DTWD1: variants seen among roughly 807,000 people sequenced by gnomAD.
The protein encoded by DTWD1 is tRNA-uridine aminocarboxypropyltransferase 1.
In DTWD1, 27 loss-of-function variants were observed where a neutral mutation model predicts 30.2. That is an observed-to-expected ratio of 0.90 (90% CI 0.66 to 1.23). DTWD1 has a LOEUF of 1.23. Among genes scored for constraint, DTWD1 ranks in the 50% most tolerant of loss-of-function variants. The probability of loss-of-function intolerance (pLI) is 0.00; values close to 1 mark genes in which losing one functional copy is unlikely to be tolerated. For synonymous variants in DTWD1, 99 were observed against 113.1 expected, an observed-to-expected ratio of 0.88 and a Z score of 0.79; for missense variants, 342 against 348.8, an observed-to-expected ratio of 0.98 and a Z score of 0.15.
At chr15:49,641,664 C>CT (rs1359287052) in intron 4 of DTWD1, among the ~76,000 whole-genome samples, 1 of 151,982 alleles carries the variant, frequency 6.6e-6, no homozygotes, top group African/African-American at 2.4e-5. Context: ...ATGTTTATCA[C>CT]TTTTTTCGTG....
chr15:49,654,571 A>G lies in DTWD1; in HGVS notation c.*10993A>G, dbSNP rs1369912875. The G allele has an allele frequency of 6.6e-6, 1 of 152,044 alleles. No homozygotes were observed. The highest frequency in any genetic ancestry group is 1.5e-5 in the Non-Finnish European group (1 of 68,000). 9.4% of individuals were successfully genotyped at this position (152,044 alleles called of 1,614,324 possible). A position where few individuals can be genotyped will look rare whatever the true frequency, so the allele number is the denominator to read the frequency against. On this transcript the variant is annotated 3_prime_UTR_variant, in exon 5 of 5. Transcript: ENST00000403028. ...CCTAGAGACACCACATGGAAAGGCC[A>G]CCTAGGGAAGAACTGAGATGCCCCA...
chr15:49,631,583 T>G (rs1386641296), intron 2 of DTWD1, among the ~76,000 whole-genome samples: 2 of 152,012 alleles, frequency 1.3e-5, no homozygotes, highest in African/African-American at 4.8e-5. Flanking sequence ...GCCAACATGG[T>G]GAAAACCTGT....
At chr15:49,636,128 C>G (rs1167659638) in intron 4 of DTWD1, among the ~76,000 whole-genome samples, 1 of 152,052 alleles carries the variant, frequency 6.6e-6, no homozygotes, top group Non-Finnish European at 1.5e-5. Context: ...GTTTGGCTTT[C>G]TCACACAAAA....
At chr15:49,637,000 A>G (rs1167463392) in intron 4 of DTWD1, among the ~76,000 whole-genome samples, 1 of 152,212 alleles carries the variant, frequency 6.6e-6, no homozygotes, top group Admixed American at 6.5e-5. Context: ...CAGTGATTTT[A>G]GTATTCATTG....
chr15:49,642,046 C>T (rs72731125), intron 4 of DTWD1, among the ~76,000 whole-genome samples: 8,266 of 152,172 alleles, frequency 0.054, 322 homozygotes, highest in East Asian at 0.13. Flanking sequence ...TCTTTGTTCT[C>T]TCTTCCTCGA....
Position 49,632,315 on chromosome 15 carries a change from G to C in DTWD1, c.408+13G>C, listed in dbSNP as rs533175402. ...AAAGGACCATGAAGTAGGCAACTTA[G>C]TTTTTATAACTCTTCACATTGGATA... On this transcript the variant is annotated intron_variant, in intron 3 of 4. Transcript: ENST00000403028. 3.2e-6 allele frequency: 5 copies of C among 1,572,688 alleles called. No individual in the cohort carries two copies. Among genetic ancestry groups the C allele is most frequent in the Non-Finnish European group, 4.3e-6 (5 of 1,169,542 alleles).
At chr15:49,639,570 A>G (rs531631429) in intron 4 of DTWD1, among the ~76,000 whole-genome samples, 1 of 152,262 alleles carries the variant, frequency 6.6e-6, no homozygotes, top group East Asian at 1.9e-4. Flanking sequence ...TCAAGAAAAA[A>G]TGTTTACGAT....
chr15:49,624,139 G>C (rs1252384911), intron 1 of DTWD1, among the ~76,000 whole-genome samples: 2 of 151,916 alleles, frequency 1.3e-5, no homozygotes, highest in Non-Finnish European at 2.9e-5. Flanking sequence ...TGTATTTTAT[G>C]TTTCTCTGGA....
chr15:49,625,329 G>A lies in DTWD1; in HGVS notation c.162G>A (p.Gly54=), dbSNP rs2153351127. 6.2e-7 allele frequency: 1 copy of A among 1,613,662 alleles called. No homozygotes were observed. Among genetic ancestry groups the A allele is most frequent in the Admixed American group, 1.7e-5 (1 of 59,928 alleles). The change falls in exon 2 of 5, where the codon GGG becomes GGA. Residue 54 remains glycine, a synonymous_variant. Transcript: ENST00000403028. ...QEVLQKAQQS[G]RSKCLKCGGS... is the part of the protein sequence containing the mutation. The stretch of plus-strand genomic sequence containing the variant: ...TTCTTCAAAAAGCTCAGCAAAGTGG[G>A]AGATCAAAATGTCTCAAATGTGGTG...
chr15:49,633,290 A>G (rs1347128056), intron 3 of DTWD1, among the ~76,000 whole-genome samples: 1 of 152,034 alleles, frequency 6.6e-6, no homozygotes, highest in Non-Finnish European at 1.5e-5. Flanking sequence ...AAATATAGAC[A>G]TGTATTATGA....
At position 49,653,702 on chromosome 15, in the gene DTWD1, G is replaced by A. The variant is rs1357842831; in HGVS notation, c.*10124G>A. 6.6e-6 allele frequency: 1 copy of A among 152,098 alleles called. No individual in the cohort carries two copies. 9.4% of individuals were successfully genotyped at this position (152,098 alleles called of 1,614,324 possible). ...AACAGAAAATGAAACTTAATAGCTT[G>A]TAGATGTCTTAAGGAGATTTCCAGG... is the stretch of plus-strand genomic sequence containing the variant. On this transcript the variant is annotated 3_prime_UTR_variant, in exon 5 of 5. Transcript: ENST00000403028.
chr15:49,625,494 T>C, intron 2 of DTWD1, 63 bp downstream of exon 2: 1 of 1,349,410 alleles, frequency 7.4e-7, no homozygotes, highest in Non-Finnish European at 1.0e-6. Context: ...ATCTCATGTA[T>C]ACCTACTCTA....
rs994054982 is a variant in DTWD1, at chr15:49,655,500, T to C, written c.*11922T>C. On this transcript the variant is annotated 3_prime_UTR_variant, in exon 5 of 5. Coordinates refer to ENST00000403028, the MANE Select transcript of DTWD1 (RefSeq NM_001144955.2). ...TCATCAATGCAATTTTCTTTAAAACTCTGTGAGCCTTTATATCAGATTAGT... is the reference window on the plus strand; with the variant it reads ...TCATCAATGCAATTTTCTTTAAAACCCTGTGAGCCTTTATATCAGATTAGT... 4.6e-5 allele frequency: 7 copies of C among 151,934 alleles called. 1 individual carries two copies. Among genetic ancestry groups the C allele is most frequent in the Admixed American group, 4.6e-4 (7 of 15,222 alleles). 9.4% of individuals were successfully genotyped at this position (151,934 alleles called of 1,614,324 possible).
Position 49,651,082 on chromosome 15 carries a change from A to G in DTWD1, c.*7504A>G, listed in dbSNP as rs1453578112. Reference sequence around the variant, plus strand: ...GGTATTTGAGACTCATGAAGGAAATAGTAAATTTAAGAATAACAGAATTGA... The same window carrying G: ...GGTATTTGAGACTCATGAAGGAAATGGTAAATTTAAGAATAACAGAATTGA... On this transcript the variant is annotated 3_prime_UTR_variant, in exon 5 of 5. Transcript: ENST00000403028. 2 of 152,202 alleles carry G rather than the reference A, an allele frequency of 1.3e-5. No individual in the cohort carries two copies. The highest frequency in any genetic ancestry group is 2.9e-5 in the Non-Finnish European group (2 of 68,028). The allele number at this position is 152,202 out of a possible 1,614,324, so 9.4% of individuals were successfully genotyped here.
intron 3 of DTWD1, 129 bp from the exon 4 acceptor site, chr15:49,634,407 C>T: frequency 3.8e-6 from 4 of 1,039,180 alleles, no homozygotes; most frequent in African/African-American, 1.6e-5. Context: ...GAACCATATA[C>T]AATAGAACCA....
chr15:49,639,491 G>A (rs978959914), intron 4 of DTWD1, among the ~76,000 whole-genome samples: 2 of 152,194 alleles, frequency 1.3e-5, no homozygotes, highest in African/African-American at 4.8e-5. Flanking sequence ...GAGCCCAGGA[G>A]TTCAAGGATG....
At chr15:49,622,794 C>A (rs1454909634) in intron 1 of DTWD1, among the ~76,000 whole-genome samples, 12 of 152,144 alleles carry the variant, frequency 7.9e-5, no homozygotes. Context: ...CAATTGCTGG[C>A]CTCTTCTACG....
In DTWD1 at chr15:49,649,259, A is replaced by T. The variant is rs949120458; in HGVS notation, c.*5681A>T. 1 of 152,200 alleles carries T rather than the reference A, an allele frequency of 6.6e-6. No homozygotes were observed. 9.4% of individuals were successfully genotyped at this position (152,200 alleles called of 1,614,324 possible). A position where few individuals can be genotyped will look rare whatever the true frequency, so the allele number is the denominator to read the frequency against. Reference sequence around the variant, plus strand: ...TGCCTTTAGAACTTTAAGTGAAAATAGTTTTCTATTTGGATTCTATTTTTA... The same window carrying T: ...TGCCTTTAGAACTTTAAGTGAAAATTGTTTTCTATTTGGATTCTATTTTTA... On this transcript the variant is annotated 3_prime_UTR_variant, in exon 5 of 5. Coordinates refer to ENST00000403028, the MANE Select transcript of DTWD1 (RefSeq NM_001144955.2).
chr15:49,643,302 CTTTCT>C, intron 4 of DTWD1, 24 bp from the exon 5 acceptor site: 1 of 1,199,948 alleles, frequency 8.3e-7, no homozygotes, highest in Non-Finnish European at 1.1e-6. Flanking sequence ...TTCTTTCTTT[CTTTCT>C]TTTTTTTTTT....
Sources: gnomAD v4.1 joint callset for allele counts (sites outside exome capture counted in the v4.1 genomes callset) on GRCh38, gnomAD v4.1.1 for gene constraint, MANE v1.5 for transcripts, NCBI Gene and HGNC (gene_info 2026-07-23, HGNC 2026-07-21) for gene names.